CEP72: variants seen among roughly 807,000 people sequenced by gnomAD.
CEP72 encodes the protein centrosomal protein of 72 kDa.
CEP72 carries 78 observed loss-of-function variants against 65.7 expected under a neutral mutation model. The ratio of observed to expected loss-of-function variants is 1.19; its 90% CI spans 0.99 to 1.43. The LOEUF (loss-of-function observed/expected upper bound fraction) is 1.43. Among genes scored for constraint, CEP72 ranks in the 40% most tolerant of loss-of-function variants. The pLI, the probability that CEP72 is intolerant of heterozygous loss-of-function variation, is 0.00. For synonymous variants in CEP72, 358 were observed against 351.7 expected (o/e 1.02, Z -0.20); for missense variants, 914 against 832.9 (o/e 1.10, Z -1.20).
chr5:669,209 A>C (rs1350204117), downstream of CEP72, among the ~76,000 whole-genome samples: 1 of 152,166 alleles, frequency 6.6e-6, no homozygotes, highest in Non-Finnish European at 1.5e-5. Context: ...GCAGCCACGC[A>C]GGGCACATTC....
chr5:651,253 A>G, intron 11 of CEP72, among the ~76,000 whole-genome samples: 2 of 82,538 alleles, frequency 2.4e-5, no homozygotes, highest in Non-Finnish European at 4.7e-5. Context: ...GTGGACTGTG[A>G]GGTGTGACTG....
intron 9 of CEP72, chr5:642,569 G>C: frequency 1.0e-6 from 1 of 985,496 alleles, no homozygotes; most frequent in Non-Finnish European, 1.2e-6. Context: ...CACCAGTGCT[G>C]CCAGGGGTGA....
intron 9 of CEP72, chr5:643,581 C>A: frequency 1.0e-6 from 1 of 985,428 alleles, no homozygotes; most frequent in Non-Finnish European, 1.2e-6. Flanking sequence ...GACTCAGGCG[C>A]TCCCTCCCCT....
intron 9 of CEP72, chr5:642,490 GCA>G (rs1738123222): frequency 1.0e-6 from 1 of 985,388 alleles, no homozygotes; most frequent in Non-Finnish European, 1.2e-6. Flanking sequence ...ACACAGTCAG[GCA>G]CACCCCTTGC....
intron 5 of CEP72, 53 bp downstream of exon 5, chr5:634,000 T>A (rs1305293492): frequency 6.4e-7 from 1 of 1,551,470 alleles, no homozygotes; most frequent in Non-Finnish European, 8.8e-7. Context: ...CTGGGATATA[T>A]ATAGTCGTTA....
chr5:638,270 G>T lies in CEP72; in HGVS notation c.1206+452G>T, dbSNP rs2292021. Among the ~76,000 whole-genome samples, 12 of 152,342 alleles carry T rather than the reference G, an allele frequency of 7.9e-5. No homozygotes were observed. The East Asian group carries it at 2.1e-3, about 27-fold the overall frequency. On this transcript the variant is annotated intron_variant, in intron 7 of 11. Transcript: ENST00000264935. ...GCTGAGCCATTGATGACCCTTTCGT[G>T]AGGGGAGGATCCTGGAGGTCGCTGT...
downstream of CEP72, among the ~76,000 whole-genome samples, chr5:669,799 C>T (rs915612589): frequency 1.2e-4 from 19 of 152,042 alleles, no homozygotes; most frequent in African/African-American, 1.7e-4. Context: ...CCAGGAGACC[C>T]GGGTGCCCCC....
rs902965887 is a variant in CEP72 at position 623,295 on chromosome 5, C to T, written c.404-1176C>T. Among the ~76,000 whole-genome samples, 4 of 152,252 alleles carry T rather than the reference C, an allele frequency of 2.6e-5. No individual in the cohort carries two copies. The highest frequency in any genetic ancestry group is 1.3e-4 in the Admixed American group (2 of 15,286). ...GCAGTCAGAGGCGCTGCGGGAACCACGGAGGTGCGGGGCCCCGGGACGGCC... is the reference window on the plus strand; with the variant it reads ...GCAGTCAGAGGCGCTGCGGGAACCATGGAGGTGCGGGGCCCCGGGACGGCC... On this transcript the variant is annotated intron_variant, in intron 3 of 11. Coordinates refer to ENST00000264935, the MANE Select transcript of CEP72 (RefSeq NM_018140.4). The surrounding 1 kb of genome is among the most constrained non-coding windows in gnomAD (Gnocchi z 5.3).
the CEP72 span, among the ~76,000 whole-genome samples, chr5:672,947 G>A: frequency 3.3e-5 from 5 of 152,204 alleles, no homozygotes; most frequent in African/African-American, 4.8e-5. Context: ...ACAAAGGCTC[G>A]CAGATACCCC....
At chr5:641,005 G>T in intron 9 of CEP72, 1 of 985,446 alleles carries the variant, frequency 1.0e-6, no homozygotes, top group Non-Finnish European at 1.2e-6. Flanking sequence ...GGTGAGCTGG[G>T]GCTACAGGGC....
rs1013498577 is a variant in CEP72 at position 620,211 on chromosome 5, C to T, written c.353C>T (p.Pro118Leu). The T allele has an allele frequency of 6.2e-7, 1 of 1,614,202 alleles. No individual in the cohort carries two copies. The change falls in exon 3 of 12, where the codon CCT (proline) becomes CTT (leucine). Residue 118 changes from proline (P) to leucine (L), a missense_variant. Coordinates refer to ENST00000264935, the MANE Select transcript of CEP72 (RefSeq NM_018140.4). ...CTGAACCCCGTGGTGAAGGTTGAGC[C>T]TGACTACCGCCTTTTTGTTGTGCAC... Reference protein sequence around the residue: ...FRLNPVVKVEPDYRLFVVHLL... With the variant: ...FRLNPVVKVELDYRLFVVHLL...
chr5:642,555 C>T (rs944236978), intron 9 of CEP72: 58 of 985,362 alleles, frequency 5.9e-5, no homozygotes, highest in Non-Finnish European at 6.5e-5. Context: ...AAAGGTGTGC[C>T]GAGCACCAGT....
chr5:648,853 AGGTGTGACTG>A, intron 11 of CEP72, among the ~76,000 whole-genome samples: 1 of 16,028 alleles, frequency 6.2e-5, no homozygotes, highest in Non-Finnish European at 1.2e-4. Flanking sequence ...GTGGACTGTG[AGGTGTGACTG>A]TGAGGTGTGA....
intron 11 of CEP72, among the ~76,000 whole-genome samples, chr5:649,721 C>A: frequency 1.1e-4 from 1 of 9,266 alleles, no homozygotes; most frequent in East Asian, 4.7e-3. Context: ...GAGGGGTGAC[C>A]GTGAGGCGTG....
chr5:675,706 G>A, the CEP72 span: 2 of 154,794 alleles, frequency 1.3e-5, no homozygotes, highest in Admixed American at 1.3e-4. Context: ...CCCTTGCTCT[G>A]GCAGGCTCCT....
At chr5:642,393 G>A (rs776532279) in intron 9 of CEP72, 35 of 985,296 alleles carry the variant, frequency 3.6e-5, no homozygotes, top group Non-Finnish European at 3.9e-5. Context: ...GTGGCCCCCC[G>A]TCTGGAAGCC....
chr5:618,982 A>C lies in CEP72; in HGVS notation c.83-8A>C. 1 of 1,598,712 alleles carries C rather than the reference A, an allele frequency of 6.3e-7. No homozygotes were observed. Among genetic ancestry groups the C allele is most frequent in the South Asian group, 1.1e-5 (1 of 89,834 alleles). Reference sequence around the variant, plus strand: ...AAGATTAAAATCTTACAATTTTTCTATTCTTAGCTGAGCTTCAGTCATTGT... The same window carrying C: ...AAGATTAAAATCTTACAATTTTTCTCTTCTTAGCTGAGCTTCAGTCATTGT... On this transcript the variant is annotated splice_region_variant and splice_polypyrimidine_tract_variant and intron_variant, in intron 1 of 11. Transcript: ENST00000264935.
downstream of CEP72, among the ~76,000 whole-genome samples, chr5:672,088 G>T (rs1740242552): frequency 6.6e-6 from 1 of 152,236 alleles, no homozygotes; most frequent in East Asian, 1.9e-4. Context: ...CCAAACCTGG[G>T]TCCTGCTCCT....
chr5:646,303 G>A (rs4957081), intron 10 of CEP72, among the ~76,000 whole-genome samples: 12 of 152,058 alleles, frequency 7.9e-5, no homozygotes, highest in African/African-American at 2.7e-4. Context: ...TATGACTTAC[G>A]TTGTTTTTTC....
Sources: gnomAD v4.1 joint callset for allele counts (sites outside exome capture counted in the v4.1 genomes callset) on GRCh38, gnomAD v4.1.1 for gene constraint, Gnocchi (gnomAD v3.1) non-coding constraint, MANE v1.5 for transcripts, NCBI Gene and HGNC (gene_info 2026-07-23, HGNC 2026-07-21) for gene names.